The following ASB5 variants were observed in gnomAD, a reference collection of about 807,000 sequenced individuals.
The protein encoded by ASB5 is ankyrin repeat and SOCS box containing 5.
A neutral mutation model predicts 42.1 loss-of-function variants in ASB5; 45 were observed. The observed-to-expected ratio is 1.07, with a 90% CI of 0.84 to 1.37. The LOEUF is 1.37. Among genes scored for constraint, ASB5 ranks in the 40% most tolerant of loss-of-function variants. The pLI is 0.00. For missense variants in ASB5, 402 were observed against 399.8 expected (o/e 1.01, Z -0.05); for synonymous variants, 147 against 150.6 (o/e 0.98, Z 0.18).
chr4:176,269,075 G>A lies in ASB5; in HGVS notation c.34C>T (p.Gln12Ter), dbSNP rs577241156. Residue 12 changes from glutamine (Q) to a stop codon, truncating the protein, a stop_gained, in exon 1 of 7, where the codon CAA becomes TAA. Transcript: ENST00000296525. LOFTEE classifies it high-confidence loss of function. ...SVLEENRPFA[Q>*]QLSNVYFTIL... ...GTAAAGTAGACATTGGATAATTGTT[G>A]AGCAAACGGCCGATTTTCTTCTAAC... 2.5e-6 allele frequency: 4 copies of A among 1,611,172 alleles called. No homozygotes were observed. The highest frequency in any genetic ancestry group is 2.7e-5 in the African/African-American group (2 of 74,826).
At chr4:176,228,576 T>C (rs1276435150) in intron 1 of ASB5, among the ~76,000 whole-genome samples, 1 of 152,188 alleles carries the variant, frequency 6.6e-6, no homozygotes, top group East Asian at 1.9e-4. Flanking sequence ...GACACATAAT[T>C]CTTTTGAGTT....
rs1184196935 is a variant in ASB5 at position 176,269,123 on chromosome 4, C to T, written c.-15G>A. ...AACACCGACATTGCTGCAGAAGAATCTGCGGCGGTCTTTAGTTGGATCCAA... is the reference window on the plus strand; with the variant it reads ...AACACCGACATTGCTGCAGAAGAATTTGCGGCGGTCTTTAGTTGGATCCAA... On this transcript the variant is annotated 5_prime_UTR_variant, in exon 1 of 7. Coordinates refer to ENST00000296525, the MANE Select transcript of ASB5 (RefSeq NM_080874.4). 6.2e-7 allele frequency: 1 copy of T among 1,602,672 alleles called. No individual in the cohort carries two copies. Among genetic ancestry groups the T allele is most frequent in the Non-Finnish European group, 8.5e-7 (1 of 1,173,200 alleles).
intron 1 of ASB5, among the ~76,000 whole-genome samples, chr4:176,246,162 C>T (rs1753908605): frequency 6.6e-6 from 1 of 151,948 alleles, no homozygotes; most frequent in Admixed American, 6.6e-5. Context: ...GTTAAAATAT[C>T]AGAATTGGAA....
chr4:176,272,800 C>T (rs975652051), upstream of ASB5, among the ~76,000 whole-genome samples: 1 of 152,090 alleles, frequency 6.6e-6, no homozygotes, highest in Non-Finnish European at 1.5e-5. Flanking sequence ...TGGGGCTAAA[C>T]TGTTTTGACT....
chr4:176,273,045 G>T (rs1754500072), upstream of ASB5, among the ~76,000 whole-genome samples: 1 of 150,338 alleles, frequency 6.7e-6, no homozygotes, highest in Admixed American at 6.7e-5. Flanking sequence ...GACCTCCCAG[G>T]CTCAAGCAGT....
At chr4:176,243,472 T>C (rs1753850761) in intron 1 of ASB5, among the ~76,000 whole-genome samples, 1 of 152,082 alleles carries the variant, frequency 6.6e-6, no homozygotes, top group Admixed American at 6.6e-5. Flanking sequence ...TCTTATTATA[T>C]AGTGGCATCT....
intron 1 of ASB5, chr4:176,241,493 A>G (rs771603641): frequency 6.5e-7 from 1 of 1,535,682 alleles, no homozygotes; most frequent in South Asian, 1.2e-5. Context: ...CATTGCAAAG[A>G]GGCATCTGGA....
At chr4:176,224,131 T>A (rs1475167499) in intron 2 of ASB5, among the ~76,000 whole-genome samples, 1 of 152,094 alleles carries the variant, frequency 6.6e-6, no homozygotes, top group Non-Finnish European at 1.5e-5. Flanking sequence ...CAACATGACC[T>A]TTCCTTTCTT....
At chr4:176,249,157 G>C (rs963673291) in intron 1 of ASB5, among the ~76,000 whole-genome samples, 1 of 152,150 alleles carries the variant, frequency 6.6e-6, no homozygotes, top group Non-Finnish European at 1.5e-5. Flanking sequence ...AGTAGAGACA[G>C]GGTTTCGCCA....
chr4:176,236,867 A>G (rs771005596), intron 1 of ASB5, among the ~76,000 whole-genome samples: 3 of 152,178 alleles, frequency 2.0e-5, no homozygotes, highest in Non-Finnish European at 2.9e-5. Flanking sequence ...ATAATTAATG[A>G]CTTCGTGTCA....
At chr4:176,258,504 G>A (rs533690535) in intron 1 of ASB5, among the ~76,000 whole-genome samples, 6 of 152,196 alleles carry the variant, frequency 3.9e-5, no homozygotes, top group African/African-American at 1.4e-4. Context: ...AAGTGACTTT[G>A]GTCTAGGAAA....
In ASB5 at chr4:176,241,395, G is replaced by A. The variant is rs180769314; in HGVS notation, c.197-16054C>T. On this transcript the variant is annotated intron_variant, in intron 1 of 6. Transcript: ENST00000296525. ...TGTTTACTCCAAAATTACTATTAAG[G>A]GCTCACTAAGTAAAAAAATAAAACC... The A allele has an allele frequency of 6.9e-5, 89 of 1,293,700 alleles. 1 individual carries two copies. The African/African-American group carries it at 1.2e-3, about 17-fold the overall frequency. The allele number at this position is 1,293,700 out of a possible 1,614,324, so 80.1% of individuals were successfully genotyped here.
At chr4:176,257,908 T>G (rs1442390176) in intron 1 of ASB5, among the ~76,000 whole-genome samples, 1 of 152,200 alleles carries the variant, frequency 6.6e-6, no homozygotes, top group Non-Finnish European at 1.5e-5. Flanking sequence ...TAAATCAAGC[T>G]GACCTCTGAA....
chr4:176,221,411 AC>A (rs756157079), intron 4 of ASB5, 38 bp downstream of exon 4: 5 of 1,604,564 alleles, frequency 3.1e-6, no homozygotes, highest in Non-Finnish European at 4.3e-6. Context: ...TGCTAAAGAA[AC>A]TTTCTTCCCT....
rs574406325 is a variant in ASB5 at position 176,249,276 on chromosome 4, T to C, written c.196+19637A>G. Among the ~76,000 whole-genome samples, 6 of 152,322 alleles carry C rather than the reference T, an allele frequency of 3.9e-5. No individual in the cohort carries two copies. The South Asian group carries it at 1.2e-3, about 32-fold the overall frequency. On this transcript the variant is annotated intron_variant, in intron 1 of 6. Coordinates refer to ENST00000296525, the MANE Select transcript of ASB5 (RefSeq NM_080874.4). ...GCCACCGCATCTGCCCTATACAGTTTTGTGTTTCAAAATCTTGTATTAAAC... is the reference window on the plus strand; with the variant it reads ...GCCACCGCATCTGCCCTATACAGTTCTGTGTTTCAAAATCTTGTATTAAAC...
intron 1 of ASB5, among the ~76,000 whole-genome samples, chr4:176,233,222 T>C (rs1753595803): frequency 6.6e-6 from 1 of 152,238 alleles, no homozygotes; most frequent in Non-Finnish European, 1.5e-5. Flanking sequence ...GAAGGATAAC[T>C]TATTTAAGAT....
Position 176,257,736 on chromosome 4 carries a change from C to A in ASB5, c.196+11177G>T, listed in dbSNP as rs531443226. Among the ~76,000 whole-genome samples the A allele has an allele frequency of 7.2e-5, 11 of 152,272 alleles. No homozygotes were observed. The East Asian group carries it at 1.9e-3, about 27-fold the overall frequency. On this transcript the variant is annotated intron_variant, in intron 1 of 6. Transcript: ENST00000296525. The stretch of plus-strand genomic sequence containing the variant: ...GGATGGCACAGAGACCTCATGCACA[C>A]GAGGCTTTGATTTTGCCACTCACCC...
intron 1 of ASB5, among the ~76,000 whole-genome samples, chr4:176,244,900 C>T (rs1433920820): frequency 2.6e-5 from 4 of 152,046 alleles, no homozygotes; most frequent in Admixed American, 6.6e-5. Context: ...GAGTTCAAGG[C>T]TGCAGTGAGC....
intron 1 of ASB5, among the ~76,000 whole-genome samples, chr4:176,230,234 T>A (rs1753498569): frequency 6.6e-6 from 1 of 152,182 alleles, no homozygotes; most frequent in African/African-American, 2.4e-5. Context: ...GATTTTAAGA[T>A]GAGTTTTAGG....
Sources: gnomAD v4.1 joint callset for allele counts (sites outside exome capture counted in the v4.1 genomes callset) on GRCh38, gnomAD v4.1.1 for gene constraint, MANE v1.5 for transcripts, NCBI Gene and HGNC (gene_info 2026-07-23, HGNC 2026-07-21) for gene names.